SARM1: variants seen among roughly 807,000 people sequenced by gnomAD.
SARM1 encodes the protein sterile alpha and TIR motif containing 1.
In SARM1, 60 loss-of-function variants were observed where a neutral mutation model predicts 65.1. That is an observed-to-expected ratio of 0.92 (90% CI 0.75 to 1.14). SARM1 has a LOEUF of 1.14. Ranked by LOEUF, SARM1 falls within the 50% of genes most tolerant of loss-of-function variation. SARM1 has a pLI of 0.00. For synonymous variants in SARM1, 417 were observed against 465.4 expected, an observed-to-expected ratio of 0.90 and a Z score of 1.34; for missense variants, 913 against 1,015.7, an observed-to-expected ratio of 0.90 and a Z score of 1.37.
At chr17:28,376,516 C>G (rs1019588126) in intron 1 of SARM1, among the ~76,000 whole-genome samples, 14 of 151,272 alleles carry the variant, frequency 9.3e-5, no homozygotes, top group Admixed American at 9.2e-4. Context: ...GAGGTTGCAG[C>G]GAGCTGAGAT....
In SARM1 at chr17:28,398,861, T is replaced by C. The variant is rs1318022271; in HGVS notation, c.*2575T>C. ...TCTAGCCGTTCCTAGTGGGGCTTGC[T>C]CAAGGTTGCACAGCGAGTCAGTAGA... On this transcript the variant is annotated 3_prime_UTR_variant, in exon 9 of 9. Coordinates refer to ENST00000585482, the MANE Select transcript of SARM1 (RefSeq NM_015077.4). 2.6e-5 allele frequency: 4 copies of C among 152,230 alleles called. No individual in the cohort carries two copies. Among genetic ancestry groups the C allele is most frequent in the Non-Finnish European group, 5.9e-5 (4 of 68,070 alleles). 9.4% of individuals were successfully genotyped at this position (152,230 alleles called of 1,614,324 possible).
chr17:28,402,387 G>T lies in SARM1; in HGVS notation c.*6101G>T. ...GAGAGGGGCGTCCAAGGGAAAGGCAGCAGAGCTCCTATCCATACCCCACGT... is the reference window on the plus strand; with the variant it reads ...GAGAGGGGCGTCCAAGGGAAAGGCATCAGAGCTCCTATCCATACCCCACGT... On this transcript the variant is annotated 3_prime_UTR_variant, in exon 9 of 9. Transcript: ENST00000585482. 1 of 1,378,836 alleles carries T rather than the reference G, an allele frequency of 7.3e-7. No individual in the cohort carries two copies. The highest frequency in any genetic ancestry group is 1.9e-5 in the Admixed American group (1 of 53,388). The allele number at this position is 1,378,836 out of a possible 1,614,324, so 85.4% of individuals were successfully genotyped here.
Position 28,392,126 on chromosome 17 carries a change from T to G in SARM1, c.1923+3587T>G, listed in dbSNP as rs79079376. On this transcript the variant is annotated intron_variant, in intron 7 of 8. Transcript: ENST00000585482. ...ATTTATTTAATTATTTTTTTTTTTT[T>G]GAGGCACAGTCTTGCTCTATCACCA... 4.6e-5 allele frequency among the ~76,000 whole-genome samples: 7 copies of G among 151,586 alleles called. No homozygotes were observed. The South Asian group carries it at 1.5e-3, about 32-fold the overall frequency.
At position 28,397,460 on chromosome 17, in the gene SARM1, A is replaced by T. The variant is rs1221995271; in HGVS notation, c.*1174A>T. On this transcript the variant is annotated 3_prime_UTR_variant, in exon 9 of 9. Coordinates refer to ENST00000585482, the MANE Select transcript of SARM1 (RefSeq NM_015077.4). ...TCCATGGTCTCCAGTCATCAGAGCA[A>T]CTCTACCTGGTATTATCATCCCCAT... 6.6e-6 allele frequency: 1 copy of T among 152,050 alleles called. No homozygotes were observed. The highest frequency in any genetic ancestry group is 1.5e-5 in the Non-Finnish European group (1 of 68,026). The allele number at this position is 152,050 out of a possible 1,614,324, so 9.4% of individuals were successfully genotyped here.
intron 7 of SARM1, among the ~76,000 whole-genome samples, chr17:28,393,481 G>A (rs2068091303): frequency 6.6e-6 from 1 of 151,964 alleles, no homozygotes. Context: ...AGCCCAGGAG[G>A]TTGAGGCTGC....
intron 7 of SARM1, among the ~76,000 whole-genome samples, chr17:28,391,888 T>G (rs1393854196): frequency 6.7e-6 from 1 of 149,524 alleles, no homozygotes; most frequent in Admixed American, 6.7e-5. Flanking sequence ...CCGTTTTTTT[T>G]TTTTTTTTTC....
rs782593684 is a variant in SARM1 at position 28,372,165 on chromosome 17, G to A, written c.133G>A (p.Ala45Thr). ...CGGTGGCACGGGCCCATGGTGGGCT[G>A]CGGGTGGCCGCGGGCCCCGCGAAGT... ...GGGGTGPWWAAGGRGPREVSP... is the reference protein window; with the variant it reads ...GGGGTGPWWATGGRGPREVSP... Residue 45 changes from alanine to threonine, a missense_variant, in exon 1 of 9, where the codon GCG becomes ACG. Ala to Thr is a moderately conservative substitution (Grantham distance 58, BLOSUM62 0). Around this residue, in one of 3 missense-constraint regions of SARM1, gnomAD observed 862 missense variants for 952.1 expected, o/e 0.91. Coordinates refer to ENST00000585482, the MANE Select transcript of SARM1 (RefSeq NM_015077.4). This position sits in a 1 kb window ranked among gnomAD's most constrained non-coding sequence, Gnocchi z 5.2. 7 of 1,368,374 alleles carry A rather than the reference G, an allele frequency of 5.1e-6. No homozygotes were observed. The African/African-American group carries it at 1.1e-4, about 21-fold the overall frequency. The allele number at this position is 1,368,374 out of a possible 1,614,324, so 84.8% of individuals were successfully genotyped here. A position where few individuals can be genotyped will look rare whatever the true frequency, so the allele number is the denominator to read the frequency against.
chr17:28,391,724 A>AG, intron 7 of SARM1, among the ~76,000 whole-genome samples: 1 of 141,868 alleles, frequency 7.0e-6, no homozygotes, highest in Non-Finnish European at 1.5e-5. Context: ...AAAAAAAAAA[A>AG]AAAAGAGAGA....
intron 2 of SARM1, among the ~76,000 whole-genome samples, chr17:28,382,533 C>T: frequency 6.6e-6 from 1 of 152,220 alleles, no homozygotes; most frequent in Non-Finnish European, 1.5e-5. Context: ...GTCCTCATGT[C>T]CAGGGCCTAA....
rs1555584235 is a variant in SARM1, at chr17:28,372,532, C to T, written c.470+30C>T. On this transcript the variant is annotated intron_variant, in intron 1 of 8. Coordinates refer to ENST00000585482, the MANE Select transcript of SARM1 (RefSeq NM_015077.4). This position sits in a 1 kb window ranked among gnomAD's most constrained non-coding sequence, Gnocchi z 5.2. ...GCGCGCCAGGCCGGGGTTGGGAGAG[C>T]GCCGCGTGGTGTGGACAGTTAAGCG... 7.4e-6 allele frequency: 11 copies of T among 1,489,686 alleles called. No individual in the cohort carries two copies. Among genetic ancestry groups the T allele is most frequent in the East Asian group, 5.4e-5 (2 of 36,782 alleles). 92.3% of individuals were successfully genotyped at this position (1,489,686 alleles called of 1,614,324 possible). A position where few individuals can be genotyped will look rare whatever the true frequency, so the allele number is the denominator to read the frequency against.
At chr17:28,392,453 C>T (rs1224106635) in intron 7 of SARM1, among the ~76,000 whole-genome samples, 7 of 152,204 alleles carry the variant, frequency 4.6e-5, no homozygotes, top group Admixed American at 2.0e-4. Context: ...TGAATCTGTG[C>T]GATGAATAAT....
chr17:28,389,387 T>G (rs1414508961), intron 7 of SARM1, among the ~76,000 whole-genome samples: 1 of 152,192 alleles, frequency 6.6e-6, no homozygotes, highest in Admixed American at 6.5e-5. Flanking sequence ...AACTACTATA[T>G]CTGTTTAATT....
chr17:28,371,881 CT>C lies in SARM1; in HGVS notation c.-151del, dbSNP rs553112882. The C allele has an allele frequency of 3.6e-4, 190 of 532,024 alleles. No homozygotes were observed. The highest frequency in any genetic ancestry group is 3.6e-3 in the African/African-American group (178 of 50,010). 33.0% of individuals were successfully genotyped at this position (532,024 alleles called of 1,614,324 possible). On this transcript the variant is annotated 5_prime_UTR_variant, in exon 1 of 9. Transcript: ENST00000585482. ...CTGCCGACACTCCTCCCCCAAACTT[CT>C]GACCGGCACCCTTGCCTGGTACCCT...
At position 28,397,903 on chromosome 17, in the gene SARM1, A is replaced by AGG. The variant is rs2068150261; in HGVS notation, c.*1618_*1619insGG. 6.6e-6 allele frequency: 1 copy of AGG among 152,564 alleles called. No homozygotes were observed. The highest frequency in any genetic ancestry group is 1.5e-5 in the Non-Finnish European group (1 of 68,328). 9.5% of individuals were successfully genotyped at this position (152,564 alleles called of 1,614,324 possible). A position where few individuals can be genotyped will look rare whatever the true frequency, so the allele number is the denominator to read the frequency against. On this transcript the variant is annotated 3_prime_UTR_variant, in exon 9 of 9. Transcript: ENST00000585482. ...TGGCTGTGCTGGCCAGGTGACTCCT[A>AGG]GTTCTTGGCCACATCATCAGAAAGT...
chr17:28,377,904 G>A (rs1555584784), intron 1 of SARM1, among the ~76,000 whole-genome samples: 1 of 152,108 alleles, frequency 6.6e-6, no homozygotes, highest in Non-Finnish European at 1.5e-5. Flanking sequence ...CACCATGTTG[G>A]CCAGGCTGGT....
chr17:28,379,346 T>C (rs2068009040), intron 1 of SARM1, among the ~76,000 whole-genome samples: 1 of 142,542 alleles, frequency 7.0e-6, no homozygotes, highest in African/African-American at 2.6e-5. Context: ...AGTCTCGCTC[T>C]GTTGCCCAGG....
intron 1 of SARM1, chr17:28,373,757 G>A (rs2067971626): frequency 6.6e-6 from 1 of 152,286 alleles, no homozygotes; most frequent in African/African-American, 2.4e-5. Context: ...TCCCTGGAGA[G>A]TGAGTACAGC....
chr17:28,402,150 G>A lies in SARM1; in HGVS notation c.*5864G>A. The A allele has an allele frequency of 8.7e-7, 1 of 1,145,230 alleles. No homozygotes were observed. Among genetic ancestry groups the A allele is most frequent in the African/African-American group, 1.5e-5 (1 of 65,356 alleles). 70.9% of individuals were successfully genotyped at this position (1,145,230 alleles called of 1,614,324 possible). On this transcript the variant is annotated 3_prime_UTR_variant, in exon 9 of 9. Transcript: ENST00000585482. ...TCCAGGGTGAGAGGGGGGAAGGCAA[G>A]CTGTTCCCCCAGCCATGGCTGCCCA... is the stretch of plus-strand genomic sequence containing the variant.
Position 28,396,260 on chromosome 17 carries a change from G to C in SARM1, c.2149G>C (p.Gly717Arg). 1 of 1,613,958 alleles carries C rather than the reference G, an allele frequency of 6.2e-7. No homozygotes were observed. The highest frequency in any genetic ancestry group is 1.7e-5 in the Admixed American group (1 of 60,016). The change falls in exon 9 of 9, where the codon GGT becomes CGT. Residue 717 changes from glycine (G) to arginine (R), a missense_variant. Transcript: ENST00000585482. ...SSAGSDTSLE[G>R]AAPMGPT ...TGCAGGCTCTGACACCAGTTTGGAG[G>C]GTGCTGCACCCATGGGTCCAACCTA... is the stretch of plus-strand genomic sequence containing the variant.
Sources: gnomAD v4.1 joint callset for allele counts (sites outside exome capture counted in the v4.1 genomes callset) on GRCh38, gnomAD v4.1.1 for gene constraint, gnomAD v4.1.1 regional missense constraint, Gnocchi (gnomAD v3.1) non-coding constraint, MANE v1.5 for transcripts, NCBI Gene and HGNC (gene_info 2026-07-23, HGNC 2026-07-21) for gene names.